GATA4: variants seen among roughly 807,000 people sequenced by gnomAD.
The protein encoded by GATA4 is transcription factor GATA-4.
GATA4 carries 7 observed loss-of-function variants against 37.9 expected under a neutral mutation model. The observed-to-expected ratio is 0.18, with a 90% confidence interval of 0.11 to 0.35. The LOEUF is 0.35. Ranked by LOEUF, GATA4 falls within the 10% of genes least tolerant of loss-of-function variation. The pLI is 1.00. For synonymous variants in GATA4, 372 were observed against 292.6 expected (o/e 1.27, Z -2.77); for missense variants, 647 against 653.0 (o/e 0.99, Z 0.10).
rs555743702 is a variant in GATA4 at position 11,696,588 on chromosome 8, T to C, written c.-728-3920T>C. ...TAGGTTTTGAAAATAACAACAATACTACTTTAGAGTTTAAAGTTTAAAACA... is the reference window on the plus strand; with the variant it reads ...TAGGTTTTGAAAATAACAACAATACCACTTTAGAGTTTAAAGTTTAAAACA... On this transcript the variant is annotated intron_variant, in intron 1 of 2. Coordinates refer to the GATA4 transcript ENST00000526974. 2.0e-5 allele frequency among the ~76,000 whole-genome samples: 3 copies of C among 152,382 alleles called. No individual in the cohort carries two copies. The East Asian group carries it at 5.8e-4, about 29-fold the overall frequency.
At chr8:11,692,921 C>T (rs1385344048) in intron 1 of GATA4, 3 of 984,426 alleles carry the variant, frequency 3.0e-6, no homozygotes, top group African/African-American at 1.8e-5. Context: ...TGGGGTTCCG[C>T]GGCGGCCGTC....
At chr8:11,691,043 C>G (rs1467737391), upstream of GATA4, among the ~76,000 whole-genome samples, 2 of 152,164 alleles carry the variant, frequency 1.3e-5, no homozygotes, top group African/African-American at 4.8e-5. Flanking sequence ...GTTTCTTCAT[C>G]TATAAAATGG....
At chr8:11,703,789 A>C (rs993366628), upstream of GATA4, among the ~76,000 whole-genome samples, 1 of 152,300 alleles carries the variant, frequency 6.6e-6, no homozygotes, top group South Asian at 2.1e-4. Context: ...ACCCCGGGTG[A>C]CCCAGTGCCC....
At chr8:11,717,111 A>G (rs987841564) in intron 2 of GATA4, among the ~76,000 whole-genome samples, 2 of 152,214 alleles carry the variant, frequency 1.3e-5, no homozygotes, top group Admixed American at 6.5e-5. Flanking sequence ...AGACCATGAC[A>G]TGGCCCCATA....
At chr8:11,680,055 G>A (rs768597527) in intron 1 of GATA4, among the ~76,000 whole-genome samples, 1 of 152,214 alleles carries the variant, frequency 6.6e-6, no homozygotes, top group Non-Finnish European at 1.5e-5. Context: ...CAGGGGGCTT[G>A]GACCAGTTGC....
Position 11,708,661 on chromosome 8 carries a change from C to A in GATA4, c.349C>A (p.Leu117Met), listed in dbSNP as rs1265057798. 3.8e-6 allele frequency: 5 copies of A among 1,300,526 alleles called. No individual in the cohort carries two copies. Among genetic ancestry groups the A allele is most frequent in the Non-Finnish European group, 4.9e-6 (5 of 1,026,988 alleles). The allele number at this position is 1,300,526 out of a possible 1,614,324, so 80.6% of individuals were successfully genotyped here. Residue 117 changes from leucine (L) to methionine (M), a missense_variant, in exon 2 of 7, where the codon CTG becomes ATG. This residue lies in a region of GATA4 where 379 missense variants were observed against 334.5 expected (regional missense o/e 1.13). Coordinates refer to ENST00000532059, the MANE Select transcript of GATA4 (RefSeq NM_001308093.3). This position sits in a 1 kb window ranked among gnomAD's most constrained non-coding sequence, Gnocchi z 6.7. Reference sequence around the variant, plus strand: ...CTCCTTCCCGGGGACCACCGGGTCCCTGGCGGCCGCCGCCGCCGCTGCCGC... The same window carrying A: ...CTCCTTCCCGGGGACCACCGGGTCCATGGCGGCCGCCGCCGCCGCTGCCGC... ...RFSFPGTTGSLAAAAAAAAAR... is the reference protein window; with the variant it reads ...RFSFPGTTGSMAAAAAAAAAR...
At chr8:11,751,105 A>G (rs1802282340) in intron 4 of GATA4, among the ~76,000 whole-genome samples, 3 of 152,212 alleles carry the variant, frequency 2.0e-5, no homozygotes, top group Non-Finnish European at 4.4e-5. Context: ...GAATAGTTAG[A>G]TATATTTGAT....
chr8:11,680,989 A>G, intron 1 of GATA4: 1 of 965,210 alleles, frequency 1.0e-6, no homozygotes, highest in Non-Finnish European at 1.2e-6. Flanking sequence ...ATCCCCCTGC[A>G]GAGAGACCCC....
At chr8:11,677,783 G>C (rs551059346) in intron 1 of GATA4, among the ~76,000 whole-genome samples, 1 of 152,194 alleles carries the variant, frequency 6.6e-6, no homozygotes, top group South Asian at 2.1e-4. Context: ...TTATTCTGGA[G>C]CCAGACCTGA....
upstream of GATA4, among the ~76,000 whole-genome samples, chr8:11,691,434 G>A (rs1799309659): frequency 6.6e-6 from 1 of 152,140 alleles, no homozygotes; most frequent in Non-Finnish European, 1.5e-5. Flanking sequence ...CCTGGTAACT[G>A]GGACTACAGG....
intron 2 of GATA4, among the ~76,000 whole-genome samples, chr8:11,747,931 G>C (rs1585682621): frequency 6.6e-6 from 1 of 152,298 alleles, no homozygotes; most frequent in East Asian, 1.9e-4. Flanking sequence ...CAAAAATATG[G>C]ATCAACATAT....
At chr8:11,742,334 CTCT>C (rs1292365071) in intron 2 of GATA4, among the ~76,000 whole-genome samples, 1 of 151,776 alleles carries the variant, frequency 6.6e-6, no homozygotes, top group Non-Finnish European at 1.5e-5. Context: ...CCTCTTCCTC[CTCT>C]ATCTCTCTAC....
intron 1 of GATA4, among the ~76,000 whole-genome samples, chr8:11,677,687 T>C (rs996975032): frequency 6.6e-6 from 1 of 152,154 alleles, no homozygotes. Context: ...AGTAGCTAGG[T>C]CTCAGAGCTC....
chr8:11,721,124 C>T (rs1800654641), intron 2 of GATA4, among the ~76,000 whole-genome samples: 2 of 151,670 alleles, frequency 1.3e-5, no homozygotes. Context: ...CTCTTAGGGG[C>T]AGGGGATCTG....
chr8:11,681,490 CGCGGGG>C lies in GATA4; in HGVS notation c.-274+4429_-274+4434del, dbSNP rs1369097259. ...CGGTCCCCGCGCGGGGTGCGGCGCT[CGCGGGG>C]GGGGGGGGGGGGATGGGGTCGGTCC... is the stretch of plus-strand genomic sequence containing the variant. On this transcript the variant is annotated intron_variant, in intron 1 of 6. Transcript: ENST00000528712. The C allele has an allele frequency of 6.6e-5, 50 of 755,944 alleles. No individual in the cohort carries two copies. In the East Asian group the frequency reaches 8.9e-3, roughly 134 times the overall value. The allele number at this position is 755,944 out of a possible 1,614,324, so 46.8% of individuals were successfully genotyped here.
chr8:11,749,614 T>C lies in GATA4; in HGVS notation c.787-497T>C, dbSNP rs1423682968. The stretch of plus-strand genomic sequence containing the variant: ...CTGCTCCTTTTTAATATAATTTGAT[T>C]CTGGTCAACACCAACCAGCTTGCAC... On this transcript the variant is annotated intron_variant, in intron 3 of 6. Transcript: ENST00000532059. The surrounding 1 kb of genome is among the most constrained non-coding windows in gnomAD (Gnocchi z 4.6). Among the ~76,000 whole-genome samples the C allele has an allele frequency of 6.6e-6, 1 of 152,186 alleles. No homozygotes were observed. Among genetic ancestry groups the C allele is most frequent in the African/African-American group, 2.4e-5 (1 of 41,440 alleles).
rs781198110 is a variant in GATA4, at chr8:11,757,034, C to G, written c.1100C>G (p.Thr367Arg). 1.9e-6 allele frequency: 3 copies of G among 1,614,204 alleles called. No individual in the cohort carries two copies. Among genetic ancestry groups the G allele is most frequent in the Non-Finnish European group, 2.5e-6 (3 of 1,180,040 alleles). ...SSSEEMRPIK[T>R]EPGLSSHYGH... ...AGCGAGGAGATGCGTCCCATCAAGA[C>G]GGAGCCTGGCCTGTCATCTCACTAC... Residue 367 changes from threonine (T) to arginine (R), a missense_variant, in exon 6 of 7, where the codon ACG (threonine) becomes AGG (arginine). Around this residue, in one of 5 missense-constraint regions of GATA4, gnomAD observed 184 missense variants for 157.1 expected, o/e 1.17. Coordinates refer to ENST00000532059, the MANE Select transcript of GATA4 (RefSeq NM_001308093.3).
At chr8:11,723,161 A>G (rs1412582122) in intron 2 of GATA4, among the ~76,000 whole-genome samples, 2 of 152,104 alleles carry the variant, frequency 1.3e-5, no homozygotes, top group African/African-American at 4.8e-5. Flanking sequence ...AGCATGAGCA[A>G]CATAGTGAGA....
At chr8:11,699,147 T>A (rs538544642) in intron 1 of GATA4, among the ~76,000 whole-genome samples, 9 of 152,262 alleles carry the variant, frequency 5.9e-5, no homozygotes, top group Admixed American at 1.3e-4. Context: ...AGAGCATACC[T>A]TTTGGGGGTG....
Sources: gnomAD v4.1 joint callset for allele counts (sites outside exome capture counted in the v4.1 genomes callset) on GRCh38, gnomAD v4.1.1 for gene constraint, gnomAD v4.1.1 regional missense constraint, Gnocchi (gnomAD v3.1) non-coding constraint, MANE v1.5 for transcripts, NCBI Gene and HGNC (gene_info 2026-07-23, HGNC 2026-07-21) for gene names.